VSTM2L: variants seen among roughly 807,000 people sequenced by gnomAD.
VSTM2L encodes the protein V-set and transmembrane domain-containing protein 2-like protein.
Under a neutral mutation model 19.9 loss-of-function variants are expected in VSTM2L, and 9 were observed. The ratio of observed to expected loss-of-function variants is 0.45; its 90% confidence interval spans 0.27 to 0.79. The LOEUF (loss-of-function observed/expected upper bound fraction) is 0.79, where lower values mean the gene tolerates loss of function less well. Among genes scored for constraint, VSTM2L ranks in the 30% least tolerant of loss-of-function variants. The pLI is 0.15. For missense variants in VSTM2L, 286 were observed against 295.5 expected, an observed-to-expected ratio of 0.97 and a Z score of 0.24; for synonymous variants, 127 against 133.8, an observed-to-expected ratio of 0.95 and a Z score of 0.35.
Position 37,903,272 on chromosome 20 carries a change from C to A in VSTM2L, c.-79C>A. ...AGCCGGGCAGCCAGGCCGCTCAGGG[C>A]AGGGGACAGCTGGCGCCGGTTCTGC... On this transcript the variant is annotated 5_prime_UTR_variant, in exon 1 of 4. Coordinates refer to ENST00000373461, the MANE Select transcript of VSTM2L (RefSeq NM_080607.3). 1 of 1,317,382 alleles carries A rather than the reference C, an allele frequency of 7.6e-7. No individual in the cohort carries two copies. Among genetic ancestry groups the A allele is most frequent in the Non-Finnish European group, 9.6e-7 (1 of 1,037,030 alleles). The allele number at this position is 1,317,382 out of a possible 1,614,324, so 81.6% of individuals were successfully genotyped here.
rs747355791 is a variant in VSTM2L, at chr20:37,944,511, T to C, written c.*258T>C. 1.6e-6 allele frequency: 2 copies of C among 1,216,354 alleles called. No individual in the cohort carries two copies. Among genetic ancestry groups the C allele is most frequent in the Non-Finnish European group, 2.0e-6 (2 of 981,168 alleles). The allele number at this position is 1,216,354 out of a possible 1,614,324, so 75.3% of individuals were successfully genotyped here. ...CCAAGGGGCCAACCGCCCTGAACAC[T>C]GGGGCAGGGACCATGCTGGGGCCCG... On this transcript the variant is annotated 3_prime_UTR_variant, in exon 4 of 4. Transcript: ENST00000373461.
rs117623436 is a variant in VSTM2L, at chr20:37,934,564, G to A, written c.342+975G>A. On this transcript the variant is annotated intron_variant, in intron 3 of 3. Coordinates refer to ENST00000373461, the MANE Select transcript of VSTM2L (RefSeq NM_080607.3). ...TTGTGTGTCCTCGCATGCGCATGGC[G>A]GGGAAACCTTTCTAAATTCACCCTT... Among the ~76,000 whole-genome samples, 116 of 152,262 alleles carry A rather than the reference G, an allele frequency of 7.6e-4. 2 individuals carry two copies. In the East Asian group the frequency reaches 0.019, roughly 25 times the overall value.
intron 1 of VSTM2L, among the ~76,000 whole-genome samples, chr20:37,928,857 C>T (rs2122963750): frequency 6.6e-6 from 1 of 152,296 alleles, no homozygotes; most frequent in South Asian, 2.1e-4. Context: ...GGCATATTAG[C>T]TGTGCTGTCC....
In VSTM2L at chr20:37,920,925, C is replaced by G. The variant is rs1025201002; in HGVS notation, c.122-10710C>G. The stretch of plus-strand genomic sequence containing the variant: ...TGATTGATTGATTGATTGATTCATT[C>G]ATTCATTCATTCACTCATGTGTTTA... On this transcript the variant is annotated intron_variant, in intron 1 of 3. Transcript: ENST00000373461. Among the ~76,000 whole-genome samples, 330 of 152,224 alleles carry G rather than the reference C, an allele frequency of 2.2e-3. 1 individual carries two copies. The highest frequency in any genetic ancestry group is 7.4e-3 in the African/African-American group (309 of 41,542).
At chr20:37,915,963 T>G (rs951381621) in intron 1 of VSTM2L, among the ~76,000 whole-genome samples, 1 of 152,168 alleles carries the variant, frequency 6.6e-6, no homozygotes, top group Non-Finnish European at 1.5e-5. Context: ...CAGCGCCCCT[T>G]ACAGCCCTCA....
At chr20:37,913,757 G>T (rs1469725422) in intron 1 of VSTM2L, among the ~76,000 whole-genome samples, 79 of 152,326 alleles carry the variant, frequency 5.2e-4, no homozygotes, top group East Asian at 1.9e-4. Context: ...CCTGGGTCTG[G>T]CAGAGGCCTC....
chr20:37,918,033 C>T (rs2072829862), intron 1 of VSTM2L, among the ~76,000 whole-genome samples: 1 of 152,202 alleles, frequency 6.6e-6, no homozygotes, highest in Non-Finnish European at 1.5e-5. Flanking sequence ...GCAGCACAGA[C>T]CATAAAGGGG....
chr20:37,921,837 C>CTTTTTTTTT (rs1568837638), intron 1 of VSTM2L, among the ~76,000 whole-genome samples: 8 of 126,614 alleles, frequency 6.3e-5, no homozygotes, highest in African/African-American at 2.1e-4. Context: ...TCTTTCTTTT[C>CTTTTTTTTT]CTTTTTTTTT....
At chr20:37,918,549 G>T (rs1301905231) in intron 1 of VSTM2L, among the ~76,000 whole-genome samples, 1 of 152,240 alleles carries the variant, frequency 6.6e-6, no homozygotes, top group Non-Finnish European at 1.5e-5. Flanking sequence ...TATGGCAAGT[G>T]ATGCTGATTT....
intron 1 of VSTM2L, among the ~76,000 whole-genome samples, chr20:37,919,342 G>A (rs1440375022): frequency 2.0e-5 from 3 of 152,182 alleles, no homozygotes; most frequent in Admixed American, 6.5e-5. Context: ...TCCTCCTGCC[G>A]CAGGCACCTG....
At chr20:37,918,650 T>A (rs1445028239) in intron 1 of VSTM2L, among the ~76,000 whole-genome samples, 2 of 152,182 alleles carry the variant, frequency 1.3e-5, no homozygotes, top group African/African-American at 2.4e-5. Flanking sequence ...ATTAAGTAAA[T>A]AATGGTGCAT....
chr20:37,914,049 A>G (rs1330309131), intron 1 of VSTM2L, among the ~76,000 whole-genome samples: 1 of 151,940 alleles, frequency 6.6e-6, no homozygotes, highest in East Asian at 1.9e-4. Context: ...TTTGTGGTTC[A>G]TGGGATGCTG....
intron 1 of VSTM2L, among the ~76,000 whole-genome samples, chr20:37,925,039 G>C (rs2122959838): frequency 1.3e-5 from 2 of 152,332 alleles, no homozygotes; most frequent in South Asian, 4.1e-4. Flanking sequence ...TTCCTCATCT[G>C]TCAAGTGGGA....
Position 37,931,539 on chromosome 20 carries a change from G to A in VSTM2L, c.122-96G>A, listed in dbSNP as rs114586486. On this transcript the variant is annotated intron_variant, in intron 1 of 3. Coordinates refer to ENST00000373461, the MANE Select transcript of VSTM2L (RefSeq NM_080607.3). ...CCACCCCCTCCACCCATCCCCCGCC[G>A]TGCAGGGCCAGCTGTTCCTACGTTC... 3,046 of 766,162 alleles carry A rather than the reference G, an allele frequency of 4.0e-3. 49 individuals are homozygous for A. The African/African-American group carries it at 0.047, about 12-fold the overall frequency. 47.5% of individuals were successfully genotyped at this position (766,162 alleles called of 1,614,324 possible).
At chr20:37,933,688 G>A in intron 3 of VSTM2L, 99 bp downstream of exon 3, 3 of 1,147,840 alleles carry the variant, frequency 2.6e-6, no homozygotes, top group Non-Finnish European at 2.5e-6. Flanking sequence ...GCTTGGGCAA[G>A]AAGATGGAAG....
At chr20:37,903,706 T>C (rs1450764074) in intron 1 of VSTM2L, among the ~76,000 whole-genome samples, 1 of 152,176 alleles carries the variant, frequency 6.6e-6, no homozygotes, top group Non-Finnish European at 1.5e-5. Flanking sequence ...CACACCTGCA[T>C]GGCCACACCG....
chr20:37,929,181 T>A (rs1248259990), intron 1 of VSTM2L, among the ~76,000 whole-genome samples: 1 of 151,640 alleles, frequency 6.6e-6, no homozygotes, highest in African/African-American at 2.4e-5. Flanking sequence ...GGGAGCCATG[T>A]GAGGGAAGGC....
chr20:37,923,996 G>A (rs1056441125), intron 1 of VSTM2L, among the ~76,000 whole-genome samples: 5 of 152,208 alleles, frequency 3.3e-5, no homozygotes, highest in African/African-American at 9.6e-5. Flanking sequence ...CAGTGCTTTG[G>A]GAGGCTGAGG....
chr20:37,922,118 C>T (rs1335802111), intron 1 of VSTM2L, among the ~76,000 whole-genome samples: 1 of 152,136 alleles, frequency 6.6e-6, no homozygotes, highest in Non-Finnish European at 1.5e-5. Flanking sequence ...GGCTGCTGTG[C>T]AGCCATCACC....
Sources: allele counts gnomAD v4.1 joint callset (sites outside exome capture counted in the v4.1 genomes callset), GRCh38; gene constraint gnomAD v4.1.1; transcripts MANE v1.5; gene names NCBI Gene and HGNC (gene_info 2026-07-23, HGNC 2026-07-21).